Variants in SFXN1 observed in about 807,000 individuals in gnomAD.
SFXN1 encodes sideroflexin 1, also known as sideroflexin-1.
Under a neutral mutation model 39.5 loss-of-function variants are expected in SFXN1, and 32 were observed. That is an observed-to-expected ratio of 0.81 (90% CI 0.61 to 1.09). The LOEUF is 1.09. SFXN1 is among the 50% of genes least tolerant of loss of function. The pLI is 0.00. For synonymous variants in SFXN1, 136 were observed against 146.5 expected (o/e 0.93, Z 0.52); for missense variants, 402 against 407.1 (o/e 0.99, Z 0.11).
At position 175,508,610 on chromosome 5, in the gene SFXN1, C is replaced by G. The variant is rs187119137; in HGVS notation, c.165-422C>G. On this transcript the variant is annotated intron_variant, in intron 2 of 10. Transcript: ENST00000321442. Reference sequence around the variant, plus strand: ...CTGACTATATGTAACAAATTTGTCACTCCATCTAGGCACAAGTGTTTTAGG... The same window carrying G: ...CTGACTATATGTAACAAATTTGTCAGTCCATCTAGGCACAAGTGTTTTAGG... Among the ~76,000 whole-genome samples, 189 of 151,840 alleles carry G rather than the reference C, an allele frequency of 1.2e-3. 2 individuals are homozygous for G. The highest frequency in any genetic ancestry group is 4.3e-3 in the African/African-American group (177 of 41,290).
chr5:175,523,781 T>G (rs1760950465), intron 10 of SFXN1: 1 of 152,094 alleles, frequency 6.6e-6, no homozygotes, highest in South Asian at 2.1e-4. Context: ...GGTTTTACAT[T>G]TGAGAAACCA....
chr5:175,521,423 G>A (rs749206968), intron 8 of SFXN1, among the ~76,000 whole-genome samples: 11 of 152,216 alleles, frequency 7.2e-5, no homozygotes, highest in Admixed American at 3.9e-4. Context: ...CTTTATGAAT[G>A]TGATCTGGCA....
intron 1 of SFXN1, among the ~76,000 whole-genome samples, chr5:175,490,423 C>T (rs1280058556): frequency 6.6e-6 from 1 of 152,176 alleles, no homozygotes; most frequent in Non-Finnish European, 1.5e-5. Flanking sequence ...ACCTAACATG[C>T]TCAGTTTTGA....
chr5:175,510,706 A>G (rs1760481238), intron 4 of SFXN1, among the ~76,000 whole-genome samples: 2 of 152,194 alleles, frequency 1.3e-5, no homozygotes. Flanking sequence ...AAAGAAAGCA[A>G]TGAGTTTTAA....
intron 2 of SFXN1, among the ~76,000 whole-genome samples, chr5:175,498,112 CTTA>C (rs958212311): frequency 2.6e-5 from 4 of 151,140 alleles, no homozygotes; most frequent in African/African-American, 9.8e-5. Context: ...AATTATTAAT[CTTA>C]TTAATGAGAA....
chr5:175,510,294 T>C, intron 4 of SFXN1, 87 bp downstream of exon 4: 1 of 1,059,164 alleles, frequency 9.4e-7, no homozygotes, highest in Non-Finnish European at 1.4e-6. Flanking sequence ...AAAAAGCCTA[T>C]GTGTGCATAT....
chr5:175,496,286 A>G (rs1759855594), intron 2 of SFXN1, among the ~76,000 whole-genome samples: 1 of 151,878 alleles, frequency 6.6e-6, no homozygotes, highest in African/African-American at 2.4e-5. Flanking sequence ...AGGCAGGAGA[A>G]TCACTTGAAC....
intron 2 of SFXN1, among the ~76,000 whole-genome samples, chr5:175,498,295 G>A (rs1759942330): frequency 6.6e-6 from 1 of 152,194 alleles, no homozygotes; most frequent in Admixed American, 6.5e-5. Flanking sequence ...TACTTCCTGA[G>A]TGCTGGATAC....
chr5:175,483,937 A>T lies in SFXN1; in HGVS notation c.-10+5298A>T, dbSNP rs187582831. On this transcript the variant is annotated intron_variant, in intron 1 of 10. Coordinates refer to ENST00000321442, the MANE Select transcript of SFXN1 (RefSeq NM_022754.7). Reference sequence around the variant, plus strand: ...GGTGCCGTGAAGCTGATGAACCCACACACTCTGGAACACATTCTTTGGCGT... The same window carrying T: ...GGTGCCGTGAAGCTGATGAACCCACTCACTCTGGAACACATTCTTTGGCGT... 8 of 152,256 alleles carry T rather than the reference A, an allele frequency of 5.3e-5. No homozygotes were observed. In the East Asian group the frequency reaches 1.5e-3, roughly 29 times the overall value. 9.4% of individuals were successfully genotyped at this position (152,256 alleles called of 1,614,324 possible).
chr5:175,518,901 C>G (rs548655605), intron 8 of SFXN1, among the ~76,000 whole-genome samples: 1 of 152,272 alleles, frequency 6.6e-6, no homozygotes, highest in South Asian at 2.1e-4. Flanking sequence ...AATTGGACTT[C>G]ATCAGATTTT....
At chr5:175,512,222 G>A in intron 6 of SFXN1, 26 bp downstream of exon 6, 1 of 1,592,884 alleles carries the variant, frequency 6.3e-7, no homozygotes. Flanking sequence ...ACTCTTAGTA[G>A]GGACATGTGC....
intron 2 of SFXN1, among the ~76,000 whole-genome samples, chr5:175,493,564 C>T: frequency 6.6e-6 from 1 of 152,112 alleles, no homozygotes; most frequent in East Asian, 1.9e-4. Flanking sequence ...CATCCTGGAA[C>T]CTTACGAGAA....
chr5:175,501,952 CCCGA>C (rs1349840279), intron 2 of SFXN1, among the ~76,000 whole-genome samples: 1 of 152,128 alleles, frequency 6.6e-6, no homozygotes, highest in African/African-American at 2.4e-5. Context: ...AATCAGTCTC[CCCGA>C]CTGATTCGGT....
intron 7 of SFXN1, among the ~76,000 whole-genome samples, chr5:175,516,043 G>A (rs1045584245): frequency 1.3e-5 from 2 of 148,932 alleles, no homozygotes; most frequent in African/African-American, 5.2e-5. Flanking sequence ...TAATGCGGTC[G>A]CTGACCTGAC....
At chr5:175,492,408 A>G (rs1759693539) in intron 2 of SFXN1, 141 bp downstream of exon 2, 1 of 718,762 alleles carries the variant, frequency 1.4e-6, no homozygotes, top group African/African-American at 1.8e-5. Context: ...AAAAGGAAGA[A>G]AAGAGTAAAA....
chr5:175,490,505 G>A (rs888920460), intron 1 of SFXN1, among the ~76,000 whole-genome samples: 2 of 152,120 alleles, frequency 1.3e-5, no homozygotes, highest in African/African-American at 2.4e-5. Context: ...ATTCACATCC[G>A]ACATCTTAAT....
At chr5:175,486,707 C>T (rs529931144) in intron 1 of SFXN1, among the ~76,000 whole-genome samples, 3 of 152,180 alleles carry the variant, frequency 2.0e-5, no homozygotes, top group African/African-American at 4.8e-5. Context: ...GAGCCCAGGA[C>T]GTCAAGGCTG....
At chr5:175,494,595 A>G (rs966476849) in intron 2 of SFXN1, among the ~76,000 whole-genome samples, 5 of 152,054 alleles carry the variant, frequency 3.3e-5, no homozygotes, top group African/African-American at 1.2e-4. Context: ...AAAAAAAAGT[A>G]CAAAAAATTA....
At chr5:175,492,649 T>A (rs1759703862) in intron 2 of SFXN1, 2 of 165,528 alleles carry the variant, frequency 1.2e-5, no homozygotes, top group African/African-American at 4.8e-5. Context: ...TTGCCAAGAA[T>A]CAGGGGTAGG....
Sources: gnomAD v4.1 joint callset for allele counts (sites outside exome capture counted in the v4.1 genomes callset) on GRCh38, gnomAD v4.1.1 for gene constraint, MANE v1.5 for transcripts, NCBI Gene and HGNC (gene_info 2026-07-23, HGNC 2026-07-21) for gene names.